The following INTS4 variants were observed in gnomAD, a reference collection of about 807,000 sequenced individuals.
INTS4 encodes the protein integrator complex subunit 4.
Under a neutral mutation model 119.5 loss-of-function variants are expected in INTS4, and 70 were observed. That is an observed-to-expected ratio of 0.59 (90% CI 0.48 to 0.71). The LOEUF is 0.71. Ranked by LOEUF, INTS4 falls within the 30% of genes least tolerant of loss-of-function variation. The probability of loss-of-function intolerance (pLI) is 0.00; values close to 1 mark genes in which losing one functional copy is unlikely to be tolerated. For missense variants in INTS4, 867 were observed against 1,173.2 expected, an observed-to-expected ratio of 0.74 and a Z score of 3.81; for synonymous variants, 316 against 419.6, an observed-to-expected ratio of 0.75 and a Z score of 3.02.
Position 77,938,631 on chromosome 11 carries a change from T to C in INTS4, c.1165+20A>G. On this transcript the variant is annotated intron_variant, in intron 10 of 22. Transcript: ENST00000534064. ...GCAGTCACTTAAAGAGTGCTATTGC[T>C]ATTATACAGTCATACTTACCATACA... The C allele has an allele frequency of 1.2e-6, 2 of 1,606,014 alleles. No individual in the cohort carries two copies. The highest frequency in any genetic ancestry group is 1.1e-5 in the South Asian group (1 of 90,026).
intron 15 of INTS4, among the ~76,000 whole-genome samples, chr11:77,917,688 G>T (rs1391531583): frequency 1.3e-5 from 2 of 151,602 alleles, no homozygotes; most frequent in African/African-American, 4.8e-5. Flanking sequence ...AGTACTGTTT[G>T]CTCCTCAAAG....
intron 2 of INTS4, among the ~76,000 whole-genome samples, chr11:77,990,633 C>A (rs1002743098): frequency 6.8e-6 from 1 of 146,194 alleles, no homozygotes; most frequent in Non-Finnish European, 1.5e-5. Context: ...TTGCAGCGAG[C>A]CAAGATTGCA....
chr11:77,939,434 C>T (rs1953876255), intron 9 of INTS4, among the ~76,000 whole-genome samples: 1 of 151,766 alleles, frequency 6.6e-6, no homozygotes, highest in Non-Finnish European at 1.5e-5. Context: ...CAGAGCGAGA[C>T]TCCGCCTCAA....
intron 4 of INTS4, among the ~76,000 whole-genome samples, chr11:77,967,336 C>T (rs927811483): frequency 6.6e-6 from 1 of 152,134 alleles, no homozygotes; most frequent in Admixed American, 6.6e-5. Context: ...GCCATATGCC[C>T]ACACAGCCAG....
intron 4 of INTS4, among the ~76,000 whole-genome samples, chr11:77,971,421 T>C (rs1466928252): frequency 6.6e-6 from 1 of 151,950 alleles, no homozygotes; most frequent in East Asian, 1.9e-4. Flanking sequence ...CCAAGGTGCA[T>C]GGATCACTTG....
intron 8 of INTS4, among the ~76,000 whole-genome samples, chr11:77,952,881 T>G (rs1954229224): frequency 6.6e-6 from 1 of 152,212 alleles, no homozygotes; most frequent in African/African-American, 2.4e-5. Context: ...CTCTAAAACA[T>G]CTTTCTCCTC....
intron 10 of INTS4, among the ~76,000 whole-genome samples, chr11:77,929,112 T>C (rs1953583747): frequency 6.6e-6 from 1 of 151,996 alleles, no homozygotes; most frequent in Non-Finnish European, 1.5e-5. Context: ...CTCAGGAAGC[T>C]GAGGTGGGAG....
chr11:77,985,545 T>A (rs1455178793), intron 2 of INTS4, among the ~76,000 whole-genome samples: 1 of 152,172 alleles, frequency 6.6e-6, no homozygotes, highest in Non-Finnish European at 1.5e-5. Flanking sequence ...AATCGCCCCC[T>A]TCTTTGAGGC....
intron 11 of INTS4, among the ~76,000 whole-genome samples, chr11:77,925,212 A>C (rs1591063923): frequency 6.6e-6 from 1 of 152,172 alleles, no homozygotes; most frequent in Non-Finnish European, 1.5e-5. Context: ...AGAGGCTGGG[A>C]ATGGCCAGTT....
intron 2 of INTS4, among the ~76,000 whole-genome samples, chr11:77,983,850 T>A (rs570961944): frequency 2.0e-4 from 30 of 151,998 alleles, no homozygotes; most frequent in Non-Finnish European, 3.8e-4. Context: ...AATAATAGAA[T>A]TACATATGAT....
In INTS4 at chr11:77,961,150, A is replaced by C. The variant is rs1232134870; in HGVS notation, c.472-12T>G. The C allele has an allele frequency of 1.3e-6, 2 of 1,542,222 alleles. No individual in the cohort carries two copies. The highest frequency in any genetic ancestry group is 1.7e-6 in the Non-Finnish European group (2 of 1,151,994). ...GTATCTGTCAGATGCTATTAAAAAA[A>C]AAAAAAAAAAGAAAAAAAGAAAAAG... On this transcript the variant is annotated splice_polypyrimidine_tract_variant and intron_variant, in intron 4 of 22. Transcript: ENST00000534064.
chr11:77,963,372 AAAC>A (rs1402907673), intron 4 of INTS4: 5,638 of 319,740 alleles, frequency 0.018, 404 homozygotes, highest in Non-Finnish European at 0.021. Context: ...AAAAAAAAAA[AAAC>A]AAAAAAAACT....
chr11:77,994,608 T>G lies in INTS4; in HGVS notation c.36A>C (p.Glu12Asp). The G allele has an allele frequency of 1.2e-6, 2 of 1,614,036 alleles. No individual in the cohort carries two copies. The highest frequency in any genetic ancestry group is 2.2e-5 in the South Asian group (2 of 91,074). Residue 12 changes from glutamate to aspartate, a missense_variant, in exon 1 of 23, where the codon GAA (glutamate) becomes GAC (aspartate). Glu to Asp is a conservative substitution (Grantham distance 45). This residue lies in a region of INTS4 where 224 missense variants were observed against 231.8 expected (regional missense o/e 0.97). Transcript: ENST00000534064. ...AAHLKKRVYEEFTKVVQPQEE... is the reference protein window; with the variant it reads ...AAHLKKRVYEDFTKVVQPQEE... ...AGCTTACCTGAACCACTTTCGTGAA[T>G]TCCTCATAAACCCGCTTCTTAAGGT...
intron 8 of INTS4, among the ~76,000 whole-genome samples, chr11:77,946,080 T>C (rs188803294): frequency 2.6e-4 from 39 of 152,326 alleles, no homozygotes; most frequent in African/African-American, 7.9e-4. Context: ...GAAAACCAGA[T>C]AGACAGCCTG....
chr11:77,979,435 ACAGCACTC>A (rs1269690997), intron 3 of INTS4, among the ~76,000 whole-genome samples: 2 of 151,966 alleles, frequency 1.3e-5, no homozygotes, highest in South Asian at 2.1e-4. Flanking sequence ...TAATCGCGCC[ACAGCACTC>A]CAGCCTGGGC....
At position 77,903,929 on chromosome 11, in the gene INTS4, C is replaced by T. The variant is rs145331301; in HGVS notation, c.2017-309G>A. On this transcript the variant is annotated intron_variant, in intron 16 of 22. Transcript: ENST00000534064. Reference sequence around the variant, plus strand: ...CAGAATGCGCAGGCAAGCCAGCTTCCGGGCTCTAGGCACTCCTTGTTCCCA... The same window carrying T: ...CAGAATGCGCAGGCAAGCCAGCTTCTGGGCTCTAGGCACTCCTTGTTCCCA... Among the ~76,000 whole-genome samples, 11 of 152,302 alleles carry T rather than the reference C, an allele frequency of 7.2e-5. No homozygotes were observed. The East Asian group carries it at 1.7e-3, about 24-fold the overall frequency.
chr11:77,892,687 A>G (rs1952327660), intron 19 of INTS4, among the ~76,000 whole-genome samples: 1 of 151,960 alleles, frequency 6.6e-6, no homozygotes, highest in Non-Finnish European at 1.5e-5. Flanking sequence ...GGTTCAAGCA[A>G]TTCTCCTGCC....
At chr11:77,978,914 G>T in intron 4 of INTS4, 82 bp downstream of exon 4, 4 of 763,160 alleles carry the variant, frequency 5.2e-6, no homozygotes, top group South Asian at 1.7e-5. Flanking sequence ...AAAAAATAAG[G>T]CAGCTCCTAA....
At chr11:77,920,240 CAT>C (rs1257964159) in intron 14 of INTS4, among the ~76,000 whole-genome samples, 6 of 52,844 alleles carry the variant, frequency 1.1e-4, no homozygotes, top group African/African-American at 6.0e-4. Context: ...TACATATATA[CAT>C]ATATATACAT....
Sources: gnomAD v4.1 joint callset for allele counts (sites outside exome capture counted in the v4.1 genomes callset) on GRCh38, gnomAD v4.1.1 for gene constraint, gnomAD v4.1.1 regional missense constraint, MANE v1.5 for transcripts, NCBI Gene and HGNC (gene_info 2026-07-23, HGNC 2026-07-21) for gene names.